The following SFPQ variants were observed in gnomAD, a reference collection of about 807,000 sequenced individuals.
The protein encoded by SFPQ is splicing factor, proline- and glutamine-rich.
SFPQ carries 11 observed loss-of-function variants against 72.9 expected under a neutral mutation model. The observed-to-expected ratio is 0.15, with a 90% CI of 0.09 to 0.25. The LOEUF is 0.25. Ranked by LOEUF, SFPQ falls within the 10% of genes least tolerant of loss-of-function variation. The pLI is 1.00. For missense variants in SFPQ, 847 were observed against 993.3 expected, an observed-to-expected ratio of 0.85 and a Z score of 1.98; for synonymous variants, 506 against 367.3, an observed-to-expected ratio of 1.38 and a Z score of -4.32.
chr1:35,179,591 C>T, downstream of SFPQ: 1 of 1,053,218 alleles, frequency 9.5e-7, no homozygotes. Flanking sequence ...ACCCACTGCA[C>T]TAAGATTCAC....
Position 35,193,142 on chromosome 1 carries a change from A to G in SFPQ, c.-93T>C, listed in dbSNP as rs1640128774. On this transcript the variant is annotated 5_prime_UTR_variant, in exon 1 of 10. Coordinates refer to ENST00000357214, the MANE Select transcript of SFPQ (RefSeq NM_005066.3). ...CTTCTCACAAAATGGCGGATGACAC[A>G]GGCGGCGCGCCGCCTTTGTCCTCGT... 4 of 1,470,826 alleles carry G rather than the reference A, an allele frequency of 2.7e-6. No homozygotes were observed. Among genetic ancestry groups the G allele is most frequent in the East Asian group, 2.6e-5 (1 of 39,052 alleles). The allele number at this position is 1,470,826 out of a possible 1,614,324, so 91.1% of individuals were successfully genotyped here. A position where few individuals can be genotyped will look rare whatever the true frequency, so the allele number is the denominator to read the frequency against.
intron 4 of SFPQ, among the ~76,000 whole-genome samples, chr1:35,190,175 G>A (rs1036646260): frequency 3.3e-5 from 5 of 152,066 alleles, no homozygotes; most frequent in African/African-American, 4.8e-5. Context: ...CAGGAGAATC[G>A]CTTGAACCTG....
At chr1:35,179,568 GT>G (rs141501680), downstream of SFPQ, 4,550 of 1,052,240 alleles carry the variant, frequency 4.3e-3, 158 homozygotes, top group African/African-American at 0.068. Flanking sequence ...AGCTTTTTGA[GT>G]TTTTTAAAAA....
Position 35,193,022 on chromosome 1 carries a change from C to A in SFPQ, c.28G>T (p.Gly10Cys). MSRDRFRSR[G>C]GGGGGFHRRG... is the part of the protein sequence containing the mutation. ...CTGTGGAAGCCACCACCGCCACCGCCACGACTCCGGAACCGATCCCGAGAC... is the reference window on the plus strand; with the variant it reads ...CTGTGGAAGCCACCACCGCCACCGCAACGACTCCGGAACCGATCCCGAGAC... The change falls in exon 1 of 10, where the codon GGC (glycine) becomes TGC (cysteine). Residue 10 changes from glycine (G) to cysteine (C), a missense_variant. By Grantham distance (159) the Gly-to-Cys change is radical. This residue lies in a region of SFPQ where 19 missense variants were observed against 43.8 expected (regional missense o/e 0.43). Transcript: ENST00000357214. 6.3e-7 allele frequency: 1 copy of A among 1,587,058 alleles called. No homozygotes were observed. Among genetic ancestry groups the A allele is most frequent in the South Asian group, 1.1e-5 (1 of 89,860 alleles).
At chr1:35,178,374 A>G (rs1444921598), downstream of SFPQ, 1 of 1,063,856 alleles carries the variant, frequency 9.4e-7, no homozygotes, top group Non-Finnish European at 1.1e-6. Flanking sequence ...GACCTCACCA[A>G]ATGAGTTTTA....
downstream of SFPQ, chr1:35,182,371 T>C: frequency 1.0e-6 from 1 of 985,410 alleles, no homozygotes; most frequent in Non-Finnish European, 1.2e-6. Flanking sequence ...TCCTCACTGA[T>C]ATAATCATGG....
downstream of SFPQ, chr1:35,180,136 A>C (rs573269789): frequency 5.8e-5 from 61 of 1,049,300 alleles, no homozygotes; most frequent in African/African-American, 9.9e-4. Context: ...TCTCATAGTC[A>C]TGAAGTTTTC....
At position 35,182,941 on chromosome 1, in the gene SFPQ, T is replaced by C; in HGVS notation, c.*1515A>G. 9.6e-7 allele frequency: 1 copy of C among 1,044,582 alleles called. No individual in the cohort carries two copies. The highest frequency in any genetic ancestry group is 1.2e-6 in the Non-Finnish European group (1 of 866,372). 64.7% of individuals were successfully genotyped at this position (1,044,582 alleles called of 1,614,324 possible). ...TTAACTGACAACACCATGGAAACAT[T>C]CCAAGCCTTTATGGTGGGAGGAAGG... On this transcript the variant is annotated 3_prime_UTR_variant, in exon 10 of 10. Transcript: ENST00000357214.
At chr1:35,185,261 C>T (rs988644482) in intron 9 of SFPQ, among the ~76,000 whole-genome samples, 1 of 152,190 alleles carries the variant, frequency 6.6e-6, no homozygotes, top group Non-Finnish European at 1.5e-5. Context: ...CACTACCTTC[C>T]GAGCCATCAC....
At chr1:35,176,730 A>G (rs3002664) in intron 5 of SFPQ, among the ~76,000 whole-genome samples, 36,475 of 151,786 alleles carry the variant, frequency 0.24, 9,460 homozygotes, top group East Asian at 0.67. Flanking sequence ...AAAATTAGCC[A>G]GGCGTGTGTG....
chr1:35,192,184 C>G lies in SFPQ; in HGVS notation c.828+38G>C. 3 of 1,366,210 alleles carry G rather than the reference C, an allele frequency of 2.2e-6. 1 individual carries two copies. Among genetic ancestry groups the G allele is most frequent in the South Asian group, 3.4e-5 (2 of 59,330 alleles). 84.6% of individuals were successfully genotyped at this position (1,366,210 alleles called of 1,614,324 possible). Reference sequence around the variant, plus strand: ...GGGGCGAGGAGGGGGCCGCCGCCATCTTAGGGGAGCCGACGCGTCGCTCCC... The same window carrying G: ...GGGGCGAGGAGGGGGCCGCCGCCATGTTAGGGGAGCCGACGCGTCGCTCCC... On this transcript the variant is annotated intron_variant, in intron 1 of 9. Coordinates refer to ENST00000357214, the MANE Select transcript of SFPQ (RefSeq NM_005066.3).
At position 35,193,113 on chromosome 1, in the gene SFPQ, C is replaced by G. The variant is rs1263866744; in HGVS notation, c.-64G>C. 6.7e-7 allele frequency: 1 copy of G among 1,489,916 alleles called. No homozygotes were observed. The highest frequency in any genetic ancestry group is 8.9e-7 in the Non-Finnish European group (1 of 1,128,166). The allele number at this position is 1,489,916 out of a possible 1,614,324, so 92.3% of individuals were successfully genotyped here. ...GACGCTCAGGAAACGTGGAGGCCACCTTGCTTCTCACAAAATGGCGGATGA... is the reference window on the plus strand; with the variant it reads ...GACGCTCAGGAAACGTGGAGGCCACGTTGCTTCTCACAAAATGGCGGATGA... On this transcript the variant is annotated 5_prime_UTR_variant, in exon 1 of 10. Coordinates refer to ENST00000357214, the MANE Select transcript of SFPQ (RefSeq NM_005066.3).
At chr1:35,177,064 A>C (rs776551926) in intron 5 of SFPQ, 29 of 151,656 alleles carry the variant, frequency 1.9e-4, no homozygotes, top group Non-Finnish European at 3.7e-4. Flanking sequence ...AAAAATACAA[A>C]ATGAGCCGGG....
At chr1:35,191,828 A>C (rs1640014413) in intron 1 of SFPQ, among the ~76,000 whole-genome samples, 1 of 152,274 alleles carries the variant, frequency 6.6e-6, no homozygotes. Flanking sequence ...AAATTAAAAT[A>C]GGAAAATAAC....
At position 35,193,112 on chromosome 1, in the gene SFPQ, C is replaced by A; in HGVS notation, c.-63G>T. 2 of 1,489,910 alleles carry A rather than the reference C, an allele frequency of 1.3e-6. No individual in the cohort carries two copies. The highest frequency in any genetic ancestry group is 1.8e-6 in the Non-Finnish European group (2 of 1,128,070). The allele number at this position is 1,489,910 out of a possible 1,614,324, so 92.3% of individuals were successfully genotyped here. A position where few individuals can be genotyped will look rare whatever the true frequency, so the allele number is the denominator to read the frequency against. On this transcript the variant is annotated 5_prime_UTR_variant, in exon 1 of 10. Coordinates refer to ENST00000357214, the MANE Select transcript of SFPQ (RefSeq NM_005066.3). ...AGACGCTCAGGAAACGTGGAGGCCA[C>A]CTTGCTTCTCACAAAATGGCGGATG...
In SFPQ at chr1:35,192,169, G is replaced by A. The variant is rs574704732; in HGVS notation, c.828+53C>T. The A allele has an allele frequency of 6.2e-5, 81 of 1,297,488 alleles. No homozygotes were observed. The East Asian group carries it at 7.1e-4, about 11-fold the overall frequency. The allele number at this position is 1,297,488 out of a possible 1,614,324, so 80.4% of individuals were successfully genotyped here. A position where few individuals can be genotyped will look rare whatever the true frequency, so the allele number is the denominator to read the frequency against. On this transcript the variant is annotated intron_variant, in intron 1 of 9. Coordinates refer to ENST00000357214, the MANE Select transcript of SFPQ (RefSeq NM_005066.3). ...CCCAGCGCGGGGGCGGGGGCGAGGA[G>A]GGGGCCGCCGCCATCTTAGGGGAGC...
At chr1:35,179,539 C>A (rs2148604641), downstream of SFPQ, 2 of 1,054,286 alleles carry the variant, frequency 1.9e-6, no homozygotes, top group African/African-American at 1.7e-5. Context: ...AGCATTATTA[C>A]TGAAACCACT....
Position 35,192,276 on chromosome 1 carries a change from C to A in SFPQ, c.774G>T (p.Gly258=). Residue 258 remains glycine (G), a synonymous_variant, in exon 1 of 10, where the codon GGG becomes GGT. Coordinates refer to ENST00000357214, the MANE Select transcript of SFPQ (RefSeq NM_005066.3). ...GGCCGCCGGGCCCGCCGGGCGGGGGCCCCTGGTGATGCTGCTGGTGGTAGG... is the reference window on the plus strand; with the variant it reads ...GGCCGCCGGGCCCGCCGGGCGGGGGACCCTGGTGATGCTGCTGGTGGTAGG... The part of the protein sequence containing the change: ...HPPYHQQHHQ[G]PPPGGPGGRS... 1.4e-6 allele frequency: 2 copies of A among 1,462,036 alleles called. No individual in the cohort carries two copies. Among genetic ancestry groups the A allele is most frequent in the Non-Finnish European group, 1.8e-6 (2 of 1,114,666 alleles). The allele number at this position is 1,462,036 out of a possible 1,614,324, so 90.6% of individuals were successfully genotyped here. A position where few individuals can be genotyped will look rare whatever the true frequency, so the allele number is the denominator to read the frequency against.
downstream of SFPQ, chr1:35,178,846 C>T: frequency 9.5e-7 from 1 of 1,051,148 alleles, no homozygotes; most frequent in East Asian, 5.4e-5. Context: ...CCCCATTCTC[C>T]ACATTGTCCT....
Sources: gnomAD v4.1 joint callset for allele counts (sites outside exome capture counted in the v4.1 genomes callset) on GRCh38, gnomAD v4.1.1 for gene constraint, gnomAD v4.1.1 regional missense constraint, MANE v1.5 for transcripts, NCBI Gene and HGNC (gene_info 2026-07-23, HGNC 2026-07-21) for gene names.